Variants in ZNF675 observed in about 807,000 individuals in gnomAD.
The protein encoded by ZNF675 is TRAF6 inhibitory zinc finger.
Under a neutral mutation model 56.1 loss-of-function variants are expected in ZNF675, and 36 were observed. The ratio of observed to expected loss-of-function variants is 0.64; its 90% CI spans 0.49 to 0.85. The LOEUF is 0.85. Among genes scored for constraint, ZNF675 ranks in the 40% least tolerant of loss-of-function variants. ZNF675 has a pLI of 0.00. For synonymous variants in ZNF675, 200 were observed against 218.9 expected (o/e 0.91, Z 0.76); for missense variants, 663 against 654.2 (o/e 1.01, Z -0.15).
At chr19:23,654,854 CAA>C in intron 3 of ZNF675, 148 bp from the exon 4 acceptor site, 1 of 460,622 alleles carries the variant, frequency 2.2e-6, no homozygotes, top group East Asian at 3.3e-5. Flanking sequence ...GAGCACAATG[CAA>C]AGAGCCACAT....
chr19:23,653,068 CTTCACACTT>C lies in ZNF675; in HGVS notation c.*149_*157del. On this transcript the variant is annotated 3_prime_UTR_variant, in exon 4 of 4. Transcript: ENST00000359788. ...CCTTAATTAACAGTATTGCCAAATTCTTCACACTTGTAGTTTTCTCCAGTATGAATTATC... is the reference window on the plus strand; with the variant it reads ...CCTTAATTAACAGTATTGCCAAATTCGTAGTTTTCTCCAGTATGAATTATC... The C allele has an allele frequency of 1.4e-6, 1 of 711,294 alleles. No individual in the cohort carries two copies. Among genetic ancestry groups the C allele is most frequent in the Non-Finnish European group, 2.2e-6 (1 of 455,636 alleles). The allele number at this position is 711,294 out of a possible 1,614,324, so 44.1% of individuals were successfully genotyped here. A position where few individuals can be genotyped will look rare whatever the true frequency, so the allele number is the denominator to read the frequency against.
chr19:23,653,149 C>A lies in ZNF675; in HGVS notation c.*77G>T. The A allele has an allele frequency of 7.5e-7, 1 of 1,335,436 alleles. No individual in the cohort carries two copies. Among genetic ancestry groups the A allele is most frequent in the East Asian group, 2.3e-5 (1 of 43,038 alleles). 82.7% of individuals were successfully genotyped at this position (1,335,436 alleles called of 1,614,324 possible). A position where few individuals can be genotyped will look rare whatever the true frequency, so the allele number is the denominator to read the frequency against. Reference sequence around the variant, plus strand: ...AACCATTTAAAGTCTTTGACACATTCTTTACATTTCTAGAATTTTTCACCA... The same window carrying A: ...AACCATTTAAAGTCTTTGACACATTATTTACATTTCTAGAATTTTTCACCA... On this transcript the variant is annotated 3_prime_UTR_variant, in exon 4 of 4. Coordinates refer to ENST00000359788, the MANE Select transcript of ZNF675 (RefSeq NM_138330.3).
intron 3 of ZNF675, chr19:23,656,606 A>T (rs1160883541): frequency 2.0e-5 from 2 of 99,116 alleles, no homozygotes; most frequent in Non-Finnish European, 4.0e-5. Context: ...CAAAAAAACA[A>T]AAAAGGTATA....
chr19:23,667,668 A>C (rs1159600883), intron 1 of ZNF675, among the ~76,000 whole-genome samples: 2 of 150,892 alleles, frequency 1.3e-5, no homozygotes, highest in Non-Finnish European at 3.0e-5. Context: ...AGCTAGATAC[A>C]GAGTGTCAAT....
chr19:23,676,763 C>T (rs1054103380), intron 1 of ZNF675, among the ~76,000 whole-genome samples: 3 of 151,730 alleles, frequency 2.0e-5, no homozygotes, highest in Admixed American at 6.6e-5. Context: ...AAGTTGCAAA[C>T]ATTTTTTTTC....
chr19:23,678,893 G>A (rs975532595), intron 1 of ZNF675, among the ~76,000 whole-genome samples: 5 of 151,482 alleles, frequency 3.3e-5, no homozygotes, highest in Admixed American at 1.3e-4. Flanking sequence ...CTGGCCAGGC[G>A]TGGTGGCTCA....
In ZNF675 at chr19:23,672,233, TA is replaced by T. The variant is rs55633960; in HGVS notation, c.4-9076del. Among the ~76,000 whole-genome samples the T allele has an allele frequency of 5.0e-4, 70 of 141,220 alleles. 3 individuals carry two copies. Among genetic ancestry groups the T allele is most frequent in the African/African-American group, 1.7e-3 (64 of 37,486 alleles). 92.6% of individuals were successfully genotyped at this position (141,220 alleles called of 152,430 possible). A position where few individuals can be genotyped will look rare whatever the true frequency, so the allele number is the denominator to read the frequency against. ...ACTCCAGTTAGTTAGCTCTTGGGTT[TA>T]AAAAAAAAAAAAAAAAAGGACAAGA... On this transcript the variant is annotated intron_variant, in intron 1 of 3. Transcript: ENST00000359788.
intron 1 of ZNF675, among the ~76,000 whole-genome samples, chr19:23,677,138 C>G (rs1968308588): frequency 6.6e-6 from 1 of 150,872 alleles, no homozygotes; most frequent in Non-Finnish European, 1.5e-5. Context: ...ACAAGGGTGC[C>G]TTCTCTCACC....
chr19:23,684,452 C>T (rs1403968222), intron 1 of ZNF675, among the ~76,000 whole-genome samples: 1 of 151,782 alleles, frequency 6.6e-6, no homozygotes, highest in Non-Finnish European at 1.5e-5. Flanking sequence ...TGAGACAAGC[C>T]TGGCCAACAC....
chr19:23,667,874 T>C (rs1968174541), intron 1 of ZNF675, among the ~76,000 whole-genome samples: 2 of 148,268 alleles, frequency 1.3e-5, no homozygotes, highest in Non-Finnish European at 3.0e-5. Context: ...CACAGGGTGC[T>C]GATTGGTGTG....
At chr19:23,664,389 C>A (rs1037176998) in intron 1 of ZNF675, among the ~76,000 whole-genome samples, 1 of 151,926 alleles carries the variant, frequency 6.6e-6, no homozygotes, top group Non-Finnish European at 1.5e-5. Flanking sequence ...TCCTTCATAC[C>A]AGAAGCGATT....
rs1392869943 is a variant in ZNF675, at chr19:23,654,633, C to T, written c.300G>A (p.Leu100=). The change falls in exon 4 of 4, where the codon CTG becomes CTA. Residue 100 remains leucine (L), a synonymous_variant. Transcript: ENST00000359788. ...CATTTCCACATTTTTCATATCTTCTCAGTGTCACTTTTTCAAAAGAATCTT... is the reference window on the plus strand; with the variant it reads ...CATTTCCACATTTTTCATATCTTCTTAGTGTCACTTTTTCAAAAGAATCTT... ...NIKDSFEKVT[L]RRYEKCGNDN... is the part of the protein sequence containing the mutation. The T allele has an allele frequency of 6.2e-7, 1 of 1,602,602 alleles. No homozygotes were observed. The highest frequency in any genetic ancestry group is 1.3e-5 in the African/African-American group (1 of 74,288).
intron 1 of ZNF675, among the ~76,000 whole-genome samples, chr19:23,664,848 G>A (rs1968128475): frequency 1.3e-5 from 2 of 152,258 alleles, no homozygotes; most frequent in South Asian, 2.1e-4. Context: ...CTACTTGGAA[G>A]GCAGAGGCAG....
intron 3 of ZNF675, chr19:23,661,818 C>CA (rs1303475233): frequency 1.2e-4 from 26 of 219,064 alleles, no homozygotes; most frequent in East Asian, 3.9e-4. Flanking sequence ...TCTGTGCCTC[C>CA]AAAAAAAATG....
At position 23,678,938 on chromosome 19, in the gene ZNF675, G is replaced by A. The variant is rs979150241; in HGVS notation, c.3+8093C>T. 4.0e-5 allele frequency among the ~76,000 whole-genome samples: 6 copies of A among 151,188 alleles called. 1 individual carries two copies. The highest frequency in any genetic ancestry group is 4.9e-5 in the African/African-American group (2 of 40,808). ...TCCCAGCACTTTGGAAGGCCGAGGC[G>A]GGTGGATCACGAAGTCAGGAGATCG... On this transcript the variant is annotated intron_variant, in intron 1 of 3. Transcript: ENST00000359788.
intron 1 of ZNF675, among the ~76,000 whole-genome samples, chr19:23,665,112 A>G (rs1168932930): frequency 2.0e-5 from 3 of 152,084 alleles, no homozygotes; most frequent in Non-Finnish European, 4.4e-5. Context: ...TGGGAGGCCA[A>G]GACGGGGGGA....
At chr19:23,679,166 CAAAAAAAAA>C (rs33936196) in intron 1 of ZNF675, among the ~76,000 whole-genome samples, 3 of 99,332 alleles carry the variant, frequency 3.0e-5, no homozygotes, top group African/African-American at 1.3e-4. Context: ...GACTCCGTCT[CAAAAAAAAA>C]AAAAAAAAGA....
Position 23,684,426 on chromosome 19 carries a change from CCTG to C in ZNF675, c.3+2602_3+2604del, listed in dbSNP as rs1599426871. 2.0e-5 allele frequency among the ~76,000 whole-genome samples: 3 copies of C among 151,962 alleles called. No homozygotes were observed. The East Asian group carries it at 5.8e-4, about 29-fold the overall frequency. On this transcript the variant is annotated intron_variant, in intron 1 of 3. Coordinates refer to ENST00000359788, the MANE Select transcript of ZNF675 (RefSeq NM_138330.3). ...TTGGGAGGCCAAGAGGGGCGGATCA[CCTG>C]AGGTCGGGAGTTTGAGACAAGCCTG...
intron 3 of ZNF675, among the ~76,000 whole-genome samples, chr19:23,657,535 G>C (rs907201486): frequency 6.6e-6 from 1 of 152,134 alleles, no homozygotes; most frequent in Non-Finnish European, 1.5e-5. Flanking sequence ...TGACCACATG[G>C]AGAAACCTCG....
Sources: gnomAD v4.1 joint callset for allele counts (sites outside exome capture counted in the v4.1 genomes callset) on GRCh38, gnomAD v4.1.1 for gene constraint, MANE v1.5 for transcripts, NCBI Gene and HGNC (gene_info 2026-07-23, HGNC 2026-07-21) for gene names.